The following SGCG variants were observed in gnomAD, a reference collection of about 807,000 sequenced individuals.
SGCG encodes gamma-sarcoglycan.
A neutral mutation model predicts 29.3 loss-of-function variants in SGCG; 26 were observed. The ratio of observed to expected loss-of-function variants is 0.89; its 90% CI spans 0.65 to 1.23. The LOEUF (loss-of-function observed/expected upper bound fraction) is 1.23, where lower values mean the gene tolerates loss of function less well. Among genes scored for constraint, SGCG ranks in the 50% most tolerant of loss-of-function variants. The pLI is 0.00. For synonymous variants in SGCG, 145 were observed against 129.7 expected (o/e 1.12, Z -0.80); for missense variants, 353 against 356.0 (o/e 0.99, Z 0.07).
intron 6 of SGCG, among the ~76,000 whole-genome samples, chr13:23,299,485 A>C (rs1882064350): frequency 1.2e-5 from 1 of 85,960 alleles, no homozygotes; most frequent in African/African-American, 4.3e-5. Context: ...TCGGAGTCTC[A>C]CTCTGTCCCC....
chr13:23,210,999 C>T (rs1056120900), intron 2 of SGCG, among the ~76,000 whole-genome samples: 7 of 152,104 alleles, frequency 4.6e-5, no homozygotes, highest in Admixed American at 3.9e-4. Context: ...TCAAACCCAA[C>T]TGAAAGGAAC....
intron 1 of SGCG, among the ~76,000 whole-genome samples, chr13:23,202,233 A>C (rs1877797062): frequency 6.6e-6 from 1 of 152,174 alleles, no homozygotes; most frequent in South Asian, 2.1e-4. Flanking sequence ...CTGTGGCGAA[A>C]AGCCATCAGA....
chr13:23,169,541 T>C, the SGCG span, among the ~76,000 whole-genome samples: 4 of 151,992 alleles, frequency 2.6e-5, no homozygotes, highest in East Asian at 7.7e-4. Context: ...TAGTTGGGCA[T>C]AGTGGTGCAT....
At chr13:23,217,228 G>T (rs2137521472) in intron 2 of SGCG, among the ~76,000 whole-genome samples, 1 of 152,068 alleles carries the variant, frequency 6.6e-6, no homozygotes, top group East Asian at 1.9e-4. Flanking sequence ...TTATGCATTT[G>T]TTATCATACT....
At chr13:23,194,614 T>G (rs1334032711) in intron 1 of SGCG, among the ~76,000 whole-genome samples, 2 of 152,176 alleles carry the variant, frequency 1.3e-5, no homozygotes, top group African/African-American at 4.8e-5. Context: ...GCTTCTCTCT[T>G]GGAGCATTCA....
At position 23,203,733 on chromosome 13, in the gene SGCG, C is replaced by T; in HGVS notation, c.39C>T (p.Ile13=). The change falls in exon 2 of 8, where the codon ATC becomes ATT. Residue 13 remains isoleucine (I), a synonymous_variant. Coordinates refer to ENST00000218867, the MANE Select transcript of SGCG (RefSeq NM_000231.3). ...REQYTTATEG[I]CIERPENQYV... is the part of the protein sequence containing the mutation. ...AGTACACTACAGCCACAGAAGGCAT[C>T]TGCATAGAGAGGCCAGAGAATCAGT... 1 of 1,613,978 alleles carries T rather than the reference C, an allele frequency of 6.2e-7. No individual in the cohort carries two copies. Among genetic ancestry groups the T allele is most frequent in the Admixed American group, 1.7e-5 (1 of 60,016 alleles).
intron 1 of SGCG, among the ~76,000 whole-genome samples, chr13:23,189,262 C>T (rs766267533): frequency 6.6e-6 from 1 of 152,186 alleles, no homozygotes; most frequent in South Asian, 2.1e-4. Context: ...CTGCAACCTC[C>T]GCCTCCTGGG....
At chr13:23,204,233 C>T (rs1188793084) in intron 2 of SGCG, among the ~76,000 whole-genome samples, 1 of 152,048 alleles carries the variant, frequency 6.6e-6, no homozygotes, top group African/African-American at 2.4e-5. Context: ...AAATCATTTT[C>T]TTAATTTCAT....
intron 6 of SGCG, among the ~76,000 whole-genome samples, chr13:23,317,176 C>T (rs1882847945): frequency 6.7e-6 from 1 of 150,276 alleles, no homozygotes; most frequent in African/African-American, 2.4e-5. Context: ...GCCTGGGCAA[C>T]AGAGTGAGAC....
rs768273973 is a variant in SGCG, at chr13:23,223,103, C to A, written c.196-11508C>A. On this transcript the variant is annotated intron_variant, in intron 2 of 7. Transcript: ENST00000218867. ...ACCATCCTGGCTAACACGGTGAAAC[C>A]CTGTCTCTATTAAAAATACAAAAAA... 1.8e-4 allele frequency among the ~76,000 whole-genome samples: 28 copies of A among 151,912 alleles called. No homozygotes were observed. In the East Asian group the frequency reaches 3.7e-3, roughly 20 times the overall value.
intron 6 of SGCG, among the ~76,000 whole-genome samples, chr13:23,315,538 T>G (rs972392052): frequency 4.6e-5 from 7 of 151,964 alleles, no homozygotes; most frequent in Admixed American, 2.6e-4. Context: ...TAGGGCCTGG[T>G]TCACAGATGG....
At chr13:23,167,673 T>C in the SGCG span, among the ~76,000 whole-genome samples, 122 of 152,348 alleles carry the variant, frequency 8.0e-4, 1 homozygote, top group Non-Finnish European at 1.0e-3. Context: ...CACCTTTTCA[T>C]ATGCTATTTG....
At chr13:23,296,052 G>A (rs1174673400) in intron 6 of SGCG, among the ~76,000 whole-genome samples, 2 of 152,234 alleles carry the variant, frequency 1.3e-5, no homozygotes, top group East Asian at 3.8e-4. Context: ...TGTTAATTGA[G>A]ATGCTACAGG....
At chr13:23,212,814 G>A (rs1878277338) in intron 2 of SGCG, among the ~76,000 whole-genome samples, 1 of 152,240 alleles carries the variant, frequency 6.6e-6, no homozygotes, top group South Asian at 2.1e-4. Flanking sequence ...TGCAGAGCAG[G>A]TTTGGTTTGC....
At chr13:23,184,308 T>C (rs1469144211) in intron 1 of SGCG, among the ~76,000 whole-genome samples, 2 of 152,158 alleles carry the variant, frequency 1.3e-5, no homozygotes, top group Non-Finnish European at 2.9e-5. Context: ...TTTAATATTG[T>C]GTGAATGTTT....
chr13:23,272,253 A>T (rs1000353446), intron 4 of SGCG, among the ~76,000 whole-genome samples: 1 of 152,158 alleles, frequency 6.6e-6, no homozygotes, highest in African/African-American at 2.4e-5. Flanking sequence ...AAATGCTTCT[A>T]GTCTTTCTGT....
At chr13:23,287,261 A>G (rs1229790431) in intron 5 of SGCG, among the ~76,000 whole-genome samples, 11 of 152,202 alleles carry the variant, frequency 7.2e-5, no homozygotes, top group African/African-American at 2.7e-4. Flanking sequence ...TAAATTGGAA[A>G]AGCAAGAAAA....
chr13:23,200,156 T>C (rs9552876), intron 1 of SGCG, among the ~76,000 whole-genome samples: 34,851 of 152,148 alleles, frequency 0.23, 4,306 homozygotes, highest in East Asian at 0.35. Flanking sequence ...GGCGTGGTGG[T>C]GCATGCCTGT....
chr13:23,175,758 A>G, the SGCG span, among the ~76,000 whole-genome samples: 1 of 152,224 alleles, frequency 6.6e-6, no homozygotes, highest in South Asian at 2.1e-4. Context: ...CAAAGGTACC[A>G]TGAAAAAAAT....
Sources: gnomAD v4.1 joint callset for allele counts (sites outside exome capture counted in the v4.1 genomes callset) on GRCh38, gnomAD v4.1.1 for gene constraint, MANE v1.5 for transcripts, NCBI Gene and HGNC (gene_info 2026-07-23, HGNC 2026-07-21) for gene names.